NBEA: variants seen among roughly 807,000 people sequenced by gnomAD.
NBEA encodes the protein neurobeachin.
In NBEA, 44 loss-of-function variants were observed where a neutral mutation model predicts 343.4. That is an observed-to-expected ratio of 0.13 (90% CI 0.10 to 0.16). The LOEUF is 0.16. Ranked by LOEUF, NBEA falls within the 10% of genes least tolerant of loss-of-function variation. The pLI is 1.00. For missense variants in NBEA, 2,555 were observed against 3,631.3 expected, an observed-to-expected ratio of 0.70 and a Z score of 7.62; for synonymous variants, 1,175 against 1,238.7, an observed-to-expected ratio of 0.95 and a Z score of 1.08.
chr13:35,495,821 TA>T (rs1196236767), intron 41 of NBEA, among the ~76,000 whole-genome samples: 2 of 152,020 alleles, frequency 1.3e-5, no homozygotes, highest in Admixed American at 6.6e-5. Context: ...ACAATGGAAT[TA>T]AAAATCTTTC....
intron 24 of NBEA, among the ~76,000 whole-genome samples, chr13:35,167,633 A>G (rs547545965): frequency 1.1e-4 from 16 of 151,698 alleles, no homozygotes; most frequent in South Asian, 2.1e-4. Flanking sequence ...GTACTCAGGG[A>G]AAAAAAATAG....
At chr13:35,198,838 T>C (rs912930094) in intron 31 of NBEA, among the ~76,000 whole-genome samples, 8 of 151,998 alleles carry the variant, frequency 5.3e-5, no homozygotes, top group African/African-American at 1.7e-4. Context: ...CTCAAGTCTG[T>C]CGTCTTCACT....
chr13:34,962,659 TTTC>T, intron 1 of NBEA, among the ~76,000 whole-genome samples: 1 of 152,222 alleles, frequency 6.6e-6, no homozygotes, highest in African/African-American at 2.4e-5. Context: ...CTATATTGTG[TTTC>T]TTAATGAAAT....
chr13:35,408,216 C>T (rs1341530496), intron 38 of NBEA, among the ~76,000 whole-genome samples: 1 of 152,136 alleles, frequency 6.6e-6, no homozygotes, highest in Non-Finnish European at 1.5e-5. Context: ...ATACATACCA[C>T]TATTTGATCT....
intron 46 of NBEA, among the ~76,000 whole-genome samples, chr13:35,591,531 A>G (rs1419732253): frequency 2.0e-5 from 3 of 152,084 alleles, no homozygotes; most frequent in Non-Finnish European, 4.4e-5. Flanking sequence ...AGGTGAATCA[A>G]TACTGTCCCC....
In NBEA at chr13:35,553,524, T is replaced by A. The variant is rs571418547; in HGVS notation, c.6807-1463T>A. Among the ~76,000 whole-genome samples, 24 of 152,118 alleles carry A rather than the reference T, an allele frequency of 1.6e-4. 1 individual carries two copies. The South Asian group carries it at 5.0e-3, about 32-fold the overall frequency. Reference sequence around the variant, plus strand: ...TATTGGTGGAAAGAATGAATAACACTACTCAAGCAGAATGACATTCTTATC... The same window carrying A: ...TATTGGTGGAAAGAATGAATAACACAACTCAAGCAGAATGACATTCTTATC... On this transcript the variant is annotated intron_variant, in intron 43 of 58. Coordinates refer to ENST00000379939, the MANE Select transcript of NBEA (RefSeq NM_001385012.1).
At chr13:35,107,349 T>C (rs1446312501) in intron 11 of NBEA, among the ~76,000 whole-genome samples, 2 of 151,962 alleles carry the variant, frequency 1.3e-5, no homozygotes, top group Non-Finnish European at 2.9e-5. Context: ...CATTGAAAAT[T>C]ATGTACTAAG....
chr13:35,480,473 A>C (rs2076079580), intron 41 of NBEA, among the ~76,000 whole-genome samples: 1 of 152,078 alleles, frequency 6.6e-6, no homozygotes, highest in Non-Finnish European at 1.5e-5. Flanking sequence ...GCTTATATAG[A>C]TATTGTTTGG....
Position 35,142,323 on chromosome 13 carries a change from G to A in NBEA, c.2391G>A (p.Arg797=), listed in dbSNP as rs746947849. ...THSLFTLLGE[R]LMLHTNTVTV... ...GTCTTTTCACTCTTCTTGGAGAAAG[G>A]CTGATGTTGCATACAAACACTGTGA... Residue 797 remains arginine, a synonymous_variant, in exon 18 of 59, where the codon AGG becomes AGA. Transcript: ENST00000379939. The A allele has an allele frequency of 2.5e-6, 4 of 1,613,208 alleles. No individual in the cohort carries two copies. The highest frequency in any genetic ancestry group is 1.1e-5 in the South Asian group (1 of 91,038).
chr13:35,350,202 C>T (rs1394763492), intron 37 of NBEA, among the ~76,000 whole-genome samples: 1 of 152,072 alleles, frequency 6.6e-6, no homozygotes, highest in Non-Finnish European at 1.5e-5. Context: ...ATAAGCAGAT[C>T]AATATTTGTC....
At chr13:35,578,047 C>A (rs1418017922) in intron 45 of NBEA, among the ~76,000 whole-genome samples, 1 of 152,006 alleles carries the variant, frequency 6.6e-6, no homozygotes, top group East Asian at 1.9e-4. Flanking sequence ...ATTTTCAAGC[C>A]CTTGATTACA....
chr13:35,142,909 T>C (rs1314103392), intron 18 of NBEA, among the ~76,000 whole-genome samples: 1 of 152,220 alleles, frequency 6.6e-6, no homozygotes, highest in Non-Finnish European at 1.5e-5. Context: ...GGTTCAGTAT[T>C]TTCTAGGAAA....
In NBEA at chr13:35,173,605, T is replaced by C. The variant is rs1364996802; in HGVS notation, c.4554+11T>C. The C allele has an allele frequency of 6.3e-7, 1 of 1,586,796 alleles. No homozygotes were observed. Among genetic ancestry groups the C allele is most frequent in the African/African-American group, 1.4e-5 (1 of 73,364 alleles). On this transcript the variant is annotated intron_variant, in intron 27 of 58. Transcript: ENST00000379939. ...ACAGCAGCTTCGAAGGTAAGTAAAC[T>C]TTTTTTCTTGGCCAAATATAATTTA...
intron 34 of NBEA, among the ~76,000 whole-genome samples, chr13:35,260,551 A>C (rs1287597351): frequency 1.3e-5 from 2 of 152,126 alleles, no homozygotes; most frequent in Non-Finnish European, 2.9e-5. Flanking sequence ...AAATCACAGC[A>C]CTCTTGCTGA....
At chr13:35,641,769 C>A (rs1013784736) in intron 49 of NBEA, among the ~76,000 whole-genome samples, 2 of 151,994 alleles carry the variant, frequency 1.3e-5, no homozygotes, top group Non-Finnish European at 2.9e-5. Flanking sequence ...ATGGAACCTT[C>A]TAGTTCCATT....
intron 1 of NBEA, among the ~76,000 whole-genome samples, chr13:34,982,778 CAATT>C (rs879347728): frequency 6.6e-6 from 1 of 152,118 alleles, no homozygotes; most frequent in African/African-American, 2.4e-5. Context: ...TCTAAGCTCT[CAATT>C]AAGTCAAGTT....
At chr13:35,078,452 A>G (rs554331251) in intron 10 of NBEA, among the ~76,000 whole-genome samples, 2 of 152,188 alleles carry the variant, frequency 1.3e-5, no homozygotes, top group African/African-American at 2.4e-5. Flanking sequence ...GTGTCAAAGA[A>G]GAGCAAGAAT....
intron 45 of NBEA, among the ~76,000 whole-genome samples, chr13:35,568,065 T>A (rs994925477): frequency 6.6e-6 from 1 of 152,186 alleles, no homozygotes; most frequent in Non-Finnish European, 1.5e-5. Flanking sequence ...GTTGTACAGA[T>A]CTAATGACAT....
intron 46 of NBEA, among the ~76,000 whole-genome samples, chr13:35,585,929 T>C (rs2081271978): frequency 6.6e-6 from 1 of 152,208 alleles, no homozygotes; most frequent in South Asian, 2.1e-4. Context: ...TCCCATTCTC[T>C]CTCGCCTAGA....
Sources: gnomAD v4.1 joint callset for allele counts (sites outside exome capture counted in the v4.1 genomes callset) on GRCh38, gnomAD v4.1.1 for gene constraint, MANE v1.5 for transcripts, NCBI Gene and HGNC (gene_info 2026-07-23, HGNC 2026-07-21) for gene names.